Variants in TAFA5 observed in about 807,000 individuals in gnomAD.
The protein encoded by TAFA5 is chemokine-like protein TAFA-5.
In TAFA5, 6 loss-of-function variants were observed where a neutral mutation model predicts 15.3. The observed-to-expected ratio is 0.39, with a 90% CI of 0.21 to 0.77. The LOEUF is 0.77. TAFA5 is among the 30% of genes least tolerant of loss of function. The pLI, the probability that TAFA5 is intolerant of heterozygous loss-of-function variation, is 0.41. For missense variants in TAFA5, 161 were observed against 193.1 expected, an observed-to-expected ratio of 0.83 and a Z score of 0.98; for synonymous variants, 103 against 80.7, an observed-to-expected ratio of 1.28 and a Z score of -1.48.
intron 1 of TAFA5, among the ~76,000 whole-genome samples, chr22:48,578,455 G>A (rs892673955): frequency 6.6e-6 from 1 of 152,226 alleles, no homozygotes; most frequent in African/African-American, 2.4e-5. Flanking sequence ...GGAGGGTCTA[G>A]GTGTGGAGCA....
At chr22:48,614,458 A>T (rs1925524918) in intron 1 of TAFA5, among the ~76,000 whole-genome samples, 1 of 152,208 alleles carries the variant, frequency 6.6e-6, no homozygotes, top group Non-Finnish European at 1.5e-5. Context: ...GGTTTGCACG[A>T]CACTTGCTGG....
chr22:48,582,017 G>A (rs1167971879), intron 1 of TAFA5, among the ~76,000 whole-genome samples: 1 of 152,118 alleles, frequency 6.6e-6, no homozygotes, highest in East Asian at 1.9e-4. Flanking sequence ...CGCACCCAGT[G>A]AGTGGACAGG....
At chr22:48,726,299 A>T (rs974076793) in intron 3 of TAFA5, among the ~76,000 whole-genome samples, 3 of 152,262 alleles carry the variant, frequency 2.0e-5, no homozygotes, top group African/African-American at 7.2e-5. Flanking sequence ...TGCGGATGGC[A>T]TCAGGTTCAA....
intron 2 of TAFA5, among the ~76,000 whole-genome samples, chr22:48,692,356 A>G (rs1317851579): frequency 2.0e-5 from 3 of 152,230 alleles, no homozygotes; most frequent in Non-Finnish European, 2.9e-5. Flanking sequence ...GACTGTGCTC[A>G]TGGGAAAGGC....
intron 1 of TAFA5, among the ~76,000 whole-genome samples, chr22:48,627,802 G>C (rs1237916493): frequency 2.6e-5 from 4 of 152,264 alleles, no homozygotes; most frequent in African/African-American, 9.6e-5. Flanking sequence ...TGGCCAGGAC[G>C]AGGGGGAGGG....
At position 48,662,616 on chromosome 22, in the gene TAFA5, G is replaced by A. The variant is rs541366594; in HGVS notation, c.262+15870G>A. Among the ~76,000 whole-genome samples the A allele has an allele frequency of 2.9e-4, 44 of 152,324 alleles. 1 individual carries two copies. The South Asian group carries it at 8.5e-3, about 29-fold the overall frequency. On this transcript the variant is annotated intron_variant, in intron 2 of 3. Transcript: ENST00000402357. Reference sequence around the variant, plus strand: ...CCACCCCAGGAGGCCCCAGGCACACGTGGAGCATCTGTTCTGCCCCCCGGC... The same window carrying A: ...CCACCCCAGGAGGCCCCAGGCACACATGGAGCATCTGTTCTGCCCCCCGGC...
chr22:48,509,169 T>A (rs1441926186), intron 1 of TAFA5, among the ~76,000 whole-genome samples: 1 of 152,216 alleles, frequency 6.6e-6, no homozygotes, highest in Non-Finnish European at 1.5e-5. Context: ...TGAATACTAC[T>A]CCAGTGTGTG....
intron 1 of TAFA5, among the ~76,000 whole-genome samples, chr22:48,617,939 T>A (rs993870141): frequency 1.2e-4 from 19 of 152,318 alleles, no homozygotes; most frequent in Non-Finnish European, 1.5e-5. Context: ...TAACCTCAGT[T>A]GTTACTCTTA....
intron 1 of TAFA5, among the ~76,000 whole-genome samples, chr22:48,562,591 G>A (rs1923274924): frequency 6.6e-6 from 1 of 152,158 alleles, no homozygotes; most frequent in Non-Finnish European, 1.5e-5. Context: ...AGGGAGGGGG[G>A]GAATTTAGCT....
intron 3 of TAFA5, among the ~76,000 whole-genome samples, chr22:48,723,110 T>A (rs1359890235): frequency 6.6e-6 from 1 of 152,176 alleles, no homozygotes; most frequent in Non-Finnish European, 1.5e-5. Context: ...TCACAGCACC[T>A]GTGTGTGCCG....
intron 1 of TAFA5, among the ~76,000 whole-genome samples, chr22:48,579,534 G>C (rs940011995): frequency 6.6e-6 from 1 of 152,240 alleles, no homozygotes; most frequent in Non-Finnish European, 1.5e-5. Flanking sequence ...TGCAGACGAC[G>C]TGTGTCACGG....
At chr22:48,570,259 T>C (rs892708496) in intron 1 of TAFA5, among the ~76,000 whole-genome samples, 1 of 152,262 alleles carries the variant, frequency 6.6e-6, no homozygotes, top group Admixed American at 6.5e-5. Flanking sequence ...TCTTTGCCTA[T>C]ACATATACCA....
At chr22:48,497,175 C>A (rs1163237611) in intron 1 of TAFA5, among the ~76,000 whole-genome samples, 3 of 152,230 alleles carry the variant, frequency 2.0e-5, no homozygotes, top group Non-Finnish European at 4.4e-5. Context: ...GGACCATGGC[C>A]CCGTTCCGCC....
At chr22:48,718,718 G>A (rs544182002) in intron 3 of TAFA5, among the ~76,000 whole-genome samples, 3 of 152,246 alleles carry the variant, frequency 2.0e-5, no homozygotes, top group African/African-American at 7.2e-5. Flanking sequence ...CAGCCCTTTC[G>A]GATTCTGGAA....
chr22:48,605,456 G>A (rs879856432), intron 1 of TAFA5, among the ~76,000 whole-genome samples: 12,994 of 143,264 alleles, frequency 0.091, 819 homozygotes, highest in East Asian at 0.12. Context: ...GATGGCAATG[G>A]TGATGGTAAT....
At chr22:48,615,879 C>T (rs1276074067) in intron 1 of TAFA5, among the ~76,000 whole-genome samples, 1 of 152,240 alleles carries the variant, frequency 6.6e-6, no homozygotes, top group Non-Finnish European at 1.5e-5. Flanking sequence ...GTCAGCAGGC[C>T]TTGCCCCTCC....
At chr22:48,646,000 A>G (rs1926848148) in intron 1 of TAFA5, among the ~76,000 whole-genome samples, 1 of 152,128 alleles carries the variant, frequency 6.6e-6, no homozygotes, top group Admixed American at 6.5e-5. Context: ...GGGCGGAGGA[A>G]ATCCTGAACC....
intron 1 of TAFA5, among the ~76,000 whole-genome samples, chr22:48,590,993 A>AGGT: frequency 6.6e-6 from 1 of 152,190 alleles, no homozygotes; most frequent in African/African-American, 2.4e-5. Flanking sequence ...CTGGGATTAC[A>AGGT]GGCGCCCATC....
intron 3 of TAFA5, among the ~76,000 whole-genome samples, chr22:48,716,176 A>G (rs530027357): frequency 1.2e-4 from 18 of 152,302 alleles, no homozygotes; most frequent in African/African-American, 4.1e-4. Flanking sequence ...AAGTCAGGTA[A>G]CATGATGCCT....
Sources: gnomAD v4.1 joint callset for allele counts (sites outside exome capture counted in the v4.1 genomes callset) on GRCh38, gnomAD v4.1.1 for gene constraint, MANE v1.5 for transcripts, NCBI Gene and HGNC (gene_info 2026-07-23, HGNC 2026-07-21) for gene names.